The following PODXL variants were observed in gnomAD, a reference collection of about 807,000 sequenced individuals.
PODXL encodes podocalyxin.
A neutral mutation model predicts 48.9 loss-of-function variants in PODXL; 20 were observed. That is an observed-to-expected ratio of 0.41 (90% CI 0.29 to 0.59). The LOEUF is 0.59. Among genes scored for constraint, PODXL ranks in the 20% least tolerant of loss-of-function variants. The pLI, the probability that PODXL is intolerant of heterozygous loss-of-function variation, is 0.31. For missense variants in PODXL, 606 were observed against 675.1 expected, an observed-to-expected ratio of 0.90 and a Z score of 1.13; for synonymous variants, 295 against 287.4, an observed-to-expected ratio of 1.03 and a Z score of -0.27.
intron 1 of PODXL, among the ~76,000 whole-genome samples, chr7:131,517,574 C>T (rs1300177718): frequency 3.3e-5 from 5 of 152,104 alleles, no homozygotes; most frequent in Non-Finnish European, 2.9e-5. Flanking sequence ...AATATATTCT[C>T]TCGTGGTTCT....
chr7:131,522,571 C>CG (rs1174149452), intron 1 of PODXL, among the ~76,000 whole-genome samples: 1 of 152,150 alleles, frequency 6.6e-6, no homozygotes, highest in East Asian at 1.9e-4. Flanking sequence ...TTTGCAGCCC[C>CG]GGGTGCACCG....
chr7:131,535,014 T>G (rs1376720171), intron 1 of PODXL, among the ~76,000 whole-genome samples: 1 of 151,976 alleles, frequency 6.6e-6, no homozygotes, highest in Non-Finnish European at 1.5e-5. Context: ...ATCGGGCCAC[T>G]GCACTCCAGC....
chr7:131,529,997 C>T (rs1367140367), intron 1 of PODXL, among the ~76,000 whole-genome samples: 1 of 147,186 alleles, frequency 6.8e-6, no homozygotes. Context: ...CGGGGCCTTT[C>T]CAAGGGCTGC....
chr7:131,556,398 T>A lies in PODXL; in HGVS notation c.-39A>T, dbSNP rs1485270807. 2 of 1,341,302 alleles carry A rather than the reference T, an allele frequency of 1.5e-6. No homozygotes were observed. Among genetic ancestry groups the A allele is most frequent in the African/African-American group, 1.5e-5 (1 of 66,272 alleles). 83.1% of individuals were successfully genotyped at this position (1,341,302 alleles called of 1,614,324 possible). A position where few individuals can be genotyped will look rare whatever the true frequency, so the allele number is the denominator to read the frequency against. Reference sequence around the variant, plus strand: ...CTGGGCCGGGAGCAGGTGGCTGCGGTGCCGGCGGAGGATCCGCGCGTCCGG... The same window carrying A: ...CTGGGCCGGGAGCAGGTGGCTGCGGAGCCGGCGGAGGATCCGCGCGTCCGG... On this transcript the variant is annotated 5_prime_UTR_variant, in exon 1 of 9. Coordinates refer to ENST00000378555, the MANE Select transcript of PODXL (RefSeq NM_001018111.3).
intron 8 of PODXL, among the ~76,000 whole-genome samples, chr7:131,505,378 G>A (rs1797780241): frequency 6.6e-6 from 1 of 152,202 alleles, no homozygotes; most frequent in Non-Finnish European, 1.5e-5. Flanking sequence ...CAGGCGTGGT[G>A]ACTCACACCT....
At chr7:131,555,762 G>C (rs575304113) in intron 1 of PODXL, among the ~76,000 whole-genome samples, 2 of 152,336 alleles carry the variant, frequency 1.3e-5, no homozygotes, top group Admixed American at 6.5e-5. Context: ...AAACGGGTAA[G>C]TACATCGCCC....
chr7:131,548,505 AGAG>A (rs1798618642), intron 1 of PODXL, among the ~76,000 whole-genome samples: 1 of 152,220 alleles, frequency 6.6e-6, no homozygotes. Flanking sequence ...CACACTCTAA[AGAG>A]GAGCCACATG....
intron 1 of PODXL, among the ~76,000 whole-genome samples, chr7:131,519,906 G>A (rs976900990): frequency 6.6e-6 from 1 of 151,868 alleles, no homozygotes; most frequent in African/African-American, 2.4e-5. Context: ...TGTATTTTTT[G>A]TAGAGATAGG....
intron 1 of PODXL, among the ~76,000 whole-genome samples, chr7:131,519,380 A>G (rs905145171): frequency 2.0e-5 from 3 of 152,012 alleles, no homozygotes; most frequent in African/African-American, 7.3e-5. Context: ...TCCAATTTCC[A>G]TTGTCCTCCT....
At chr7:131,504,710 T>G (rs1797770400) in intron 8 of PODXL, among the ~76,000 whole-genome samples, 1 of 152,094 alleles carries the variant, frequency 6.6e-6, no homozygotes, top group Non-Finnish European at 1.5e-5. Flanking sequence ...GACTTGCCCC[T>G]CACCCTCACC....
intron 1 of PODXL, among the ~76,000 whole-genome samples, chr7:131,541,637 C>T (rs988885290): frequency 6.7e-6 from 1 of 149,210 alleles, no homozygotes; most frequent in Non-Finnish European, 1.5e-5. Context: ...TGAGCCACTG[C>T]ACTCCAGCCT....
intron 1 of PODXL, among the ~76,000 whole-genome samples, chr7:131,542,980 G>A (rs1798507949): frequency 1.3e-5 from 2 of 152,208 alleles, no homozygotes; most frequent in Admixed American, 6.5e-5. Context: ...CCCTCGGGCT[G>A]GACGCAGGGG....
intron 1 of PODXL, among the ~76,000 whole-genome samples, chr7:131,553,950 AG>A (rs1798705381): frequency 6.6e-6 from 1 of 152,166 alleles, no homozygotes; most frequent in African/African-American, 2.4e-5. Flanking sequence ...CCAACCCTTA[AG>A]GTGAATGCTT....
In PODXL at chr7:131,502,862, C is replaced by T. The variant is rs1481771357; in HGVS notation, c.*1449G>A. On this transcript the variant is annotated 3_prime_UTR_variant, in exon 9 of 9. Coordinates refer to ENST00000378555, the MANE Select transcript of PODXL (RefSeq NM_001018111.3). ...ATAGCTTTGTGTTCCCCTGAGATGC[C>T]ACCAGAAACTGCAAGAGAACCGCAG... 6.5e-6 allele frequency: 1 copy of T among 152,738 alleles called. No homozygotes were observed. Among genetic ancestry groups the T allele is most frequent in the Non-Finnish European group, 1.5e-5 (1 of 68,136 alleles). The allele number at this position is 152,738 out of a possible 1,614,324, so 9.5% of individuals were successfully genotyped here.
chr7:131,500,661 T>C lies in PODXL; in HGVS notation c.*3650A>G, dbSNP rs912716998. 1.3e-5 allele frequency: 2 copies of C among 152,242 alleles called. No individual in the cohort carries two copies. The highest frequency in any genetic ancestry group is 4.8e-5 in the African/African-American group (2 of 41,468). The allele number at this position is 152,242 out of a possible 1,614,324, so 9.4% of individuals were successfully genotyped here. On this transcript the variant is annotated 3_prime_UTR_variant, in exon 9 of 9. Coordinates refer to ENST00000378555, the MANE Select transcript of PODXL (RefSeq NM_001018111.3). Reference sequence around the variant, plus strand: ...ATAAAAGCTCATCCAAAACTTTGTTTCTTGGCAGAAAGAAAGAATTGTTCA... The same window carrying C: ...ATAAAAGCTCATCCAAAACTTTGTTCCTTGGCAGAAAGAAAGAATTGTTCA...
intron 1 of PODXL, among the ~76,000 whole-genome samples, chr7:131,548,690 A>G (rs921040033): frequency 2.0e-5 from 3 of 152,158 alleles, no homozygotes; most frequent in African/African-American, 4.8e-5. Flanking sequence ...TTTTGTTGCT[A>G]TGAGCAGCCA....
chr7:131,544,014 TA>T (rs879936108), intron 1 of PODXL, among the ~76,000 whole-genome samples: 2 of 152,188 alleles, frequency 1.3e-5, no homozygotes, highest in Non-Finnish European at 2.9e-5. Flanking sequence ...TGGGAAATAC[TA>T]AACAGGAAGG....
At chr7:131,521,466 T>C (rs1277217013) in intron 1 of PODXL, among the ~76,000 whole-genome samples, 2 of 151,970 alleles carry the variant, frequency 1.3e-5, no homozygotes, top group Admixed American at 1.3e-4. Flanking sequence ...CTCAGCCTCC[T>C]GAGTGGCTGG....
rs774359433 is a variant in PODXL at position 131,510,952 on chromosome 7, C to T, written c.582G>A (p.Ser194=). 32 of 1,613,924 alleles carry T rather than the reference C, an allele frequency of 2.0e-5. No homozygotes were observed. Among genetic ancestry groups the T allele is most frequent in the African/African-American group, 5.3e-5 (4 of 74,876 alleles). The change falls in exon 2 of 9, where the codon TCG becomes TCA. Residue 194 remains serine (S), a synonymous_variant. Transcript: ENST00000378555. ...TTGTTGGGGTGGCCACAGGATGCGT[C>T]GAAGTGGGTTGTCGGGGGCTAAGTG... The part of the protein sequence containing the change: ...TSPLSPRQPT[S]THPVATPTSS...
Sources: allele counts gnomAD v4.1 joint callset (sites outside exome capture counted in the v4.1 genomes callset), GRCh38; gene constraint gnomAD v4.1.1; transcripts MANE v1.5; gene names NCBI Gene and HGNC (gene_info 2026-07-23, HGNC 2026-07-21).